Variants in SERPINA12 observed in about 807,000 individuals in gnomAD.
The protein encoded by SERPINA12 is serpin family A member 12.
In SERPINA12, 21 loss-of-function variants were observed where a neutral mutation model predicts 25.9. That is an observed-to-expected ratio of 0.81 (90% CI 0.58 to 1.17). The LOEUF (loss-of-function observed/expected upper bound fraction) is 1.17, where lower values mean the gene tolerates loss of function less well. Ranked by LOEUF, SERPINA12 falls within the 50% of genes most tolerant of loss-of-function variation. The pLI is 0.00. For synonymous variants in SERPINA12, 220 were observed against 196.0 expected, an observed-to-expected ratio of 1.12 and a Z score of -1.02; for missense variants, 562 against 508.3, an observed-to-expected ratio of 1.11 and a Z score of -1.02.
intron 1 of SERPINA12, among the ~76,000 whole-genome samples, chr14:94,501,679 C>A (rs1446297127): frequency 1.4e-5 from 2 of 141,042 alleles, no homozygotes; most frequent in African/African-American, 5.5e-5. Context: ...CCCCCACCCC[C>A]GCCCCAAGGG....
chr14:94,500,829 A>G, intron 1 of SERPINA12: 3 of 985,058 alleles, frequency 3.0e-6, no homozygotes, highest in Non-Finnish European at 3.6e-6. Context: ...GTTGAGTTAC[A>G]TGGTCACTTC....
intron 4 of SERPINA12, 146 bp from the exon 5 acceptor site, chr14:94,487,640 C>G: frequency 1.8e-6 from 1 of 562,680 alleles, no homozygotes; most frequent in Non-Finnish European, 3.0e-6. Flanking sequence ...GGGTTCCTGG[C>G]TCTTTCGCCA....
At chr14:94,504,625 C>T (rs530743560) in intron 1 of SERPINA12, among the ~76,000 whole-genome samples, 41 of 152,138 alleles carry the variant, frequency 2.7e-4, no homozygotes, top group Admixed American at 2.6e-3. Flanking sequence ...GGAAAAAGTT[C>T]GAGGACAGAC....
At chr14:94,502,040 G>T (rs1423221623) in intron 1 of SERPINA12, among the ~76,000 whole-genome samples, 2 of 151,660 alleles carry the variant, frequency 1.3e-5, no homozygotes, top group African/African-American at 4.9e-5. Flanking sequence ...GTGTGTGTGT[G>T]TGTGTGTGTG....
intron 1 of SERPINA12, among the ~76,000 whole-genome samples, chr14:94,508,348 C>A (rs535739327): frequency 1.3e-5 from 2 of 151,528 alleles, no homozygotes; most frequent in African/African-American, 4.8e-5. Context: ...AAAATCTTTC[C>A]ACACAAAAAT....
chr14:94,510,014 G>A, upstream of SERPINA12: 3 of 985,418 alleles, frequency 3.0e-6, no homozygotes, highest in Non-Finnish European at 3.6e-6. Context: ...GGAGCAGGCA[G>A]CCCATCCATC....
At chr14:94,508,618 G>A (rs1490435825) in intron 1 of SERPINA12, among the ~76,000 whole-genome samples, 2 of 152,138 alleles carry the variant, frequency 1.3e-5, no homozygotes, top group Non-Finnish European at 2.9e-5. Flanking sequence ...AACCATGTAG[G>A]AAAAGATGGC....
chr14:94,505,054 C>G (rs1900884037), intron 1 of SERPINA12, among the ~76,000 whole-genome samples: 1 of 152,210 alleles, frequency 6.6e-6, no homozygotes, highest in Non-Finnish European at 1.5e-5. Flanking sequence ...ATCTAATGAG[C>G]TCCAGTGAGC....
chr14:94,495,694 C>A (rs1390059853), intron 3 of SERPINA12, among the ~76,000 whole-genome samples: 1 of 152,150 alleles, frequency 6.6e-6, no homozygotes, highest in Admixed American at 6.5e-5. Context: ...TCTGCTACAT[C>A]CCCTTCACTG....
At chr14:94,507,441 C>T (rs918812327) in intron 1 of SERPINA12, among the ~76,000 whole-genome samples, 3 of 152,162 alleles carry the variant, frequency 2.0e-5, no homozygotes, top group African/African-American at 2.4e-5. Context: ...GGGAGTGGTA[C>T]GTGTAATGTC....
At chr14:94,490,325 C>G (rs1015747394) in intron 3 of SERPINA12, among the ~76,000 whole-genome samples, 1 of 152,116 alleles carries the variant, frequency 6.6e-6, no homozygotes, top group African/African-American at 2.4e-5. Flanking sequence ...TGGTGCGTAG[C>G]AGGTGCCCAT....
At chr14:94,495,541 C>T (rs900539082) in intron 3 of SERPINA12, among the ~76,000 whole-genome samples, 1 of 152,206 alleles carries the variant, frequency 6.6e-6, no homozygotes, top group African/African-American at 2.4e-5. Flanking sequence ...TCCTTGGTGC[C>T]TGACAGGACG....
intron 3 of SERPINA12, among the ~76,000 whole-genome samples, chr14:94,494,526 C>A (rs996303168): frequency 1.3e-5 from 2 of 148,390 alleles, no homozygotes; most frequent in African/African-American, 5.0e-5. Context: ...ATTCCAAGAG[C>A]GCTGCCATCC....
At chr14:94,505,675 A>T (rs949984626) in intron 1 of SERPINA12, among the ~76,000 whole-genome samples, 18 of 152,148 alleles carry the variant, frequency 1.2e-4, no homozygotes, top group Admixed American at 1.2e-3. Flanking sequence ...CCCTCTAATG[A>T]CAGGGTGAGG....
chr14:94,509,061 T>G (rs1478985151), intron 1 of SERPINA12, among the ~76,000 whole-genome samples: 1 of 152,140 alleles, frequency 6.6e-6, no homozygotes, highest in Non-Finnish European at 1.5e-5. Flanking sequence ...AAAAATCAGG[T>G]CTTCTGGTTC....
At position 94,497,763 on chromosome 14, in the gene SERPINA12, C is replaced by T. The variant is rs1283216709; in HGVS notation, c.634+1G>A. 1 of 1,599,064 alleles carries T rather than the reference C, an allele frequency of 6.3e-7. No individual in the cohort carries two copies. The highest frequency in any genetic ancestry group is 1.7e-5 in the Admixed American group (1 of 57,840). On this transcript the variant is annotated splice_donor_variant, in intron 2 of 4. Coordinates refer to ENST00000677451, the MANE Select transcript of SERPINA12 (RefSeq NM_001382267.1). LOFTEE classifies it high-confidence loss of function. The stretch of plus-strand genomic sequence containing the variant: ...CCACACCAACATGCCAAAAGCCTTA[C>T]CTCGAAAGAAAATATAATTTGCAAG...
intron 3 of SERPINA12, among the ~76,000 whole-genome samples, chr14:94,491,975 G>C (rs1035655028): frequency 2.6e-5 from 4 of 152,158 alleles, no homozygotes; most frequent in African/African-American, 9.7e-5. Context: ...AGAAAAGAAG[G>C]CTGGGAACTG....
intron 1 of SERPINA12, chr14:94,500,999 G>A: frequency 1.0e-6 from 1 of 985,322 alleles, no homozygotes; most frequent in Non-Finnish European, 1.2e-6. Context: ...TGCTCTCTAA[G>A]CACCTTCTAC....
chr14:94,495,397 A>C (rs1217780372), intron 3 of SERPINA12, among the ~76,000 whole-genome samples: 1 of 151,972 alleles, frequency 6.6e-6, no homozygotes, highest in Non-Finnish European at 1.5e-5. Context: ...TCTGCAGCTC[A>C]CTCTAGATAT....
Sources: gnomAD v4.1 joint callset for allele counts (sites outside exome capture counted in the v4.1 genomes callset) on GRCh38, gnomAD v4.1.1 for gene constraint, MANE v1.5 for transcripts, NCBI Gene and HGNC (gene_info 2026-07-23, HGNC 2026-07-21) for gene names.